The following SGCD variants were observed in gnomAD, a reference collection of about 807,000 sequenced individuals.
The protein encoded by SGCD is delta-sarcoglycan.
A neutral mutation model predicts 36.6 loss-of-function variants in SGCD; 18 were observed. The observed-to-expected ratio is 0.49, with a 90% confidence interval of 0.34 to 0.73. SGCD has a LOEUF of 0.73. Ranked by LOEUF, SGCD falls within the 30% of genes least tolerant of loss-of-function variation. The probability of loss-of-function intolerance (pLI) is 0.01; values close to 1 mark genes in which losing one functional copy is unlikely to be tolerated. For missense variants in SGCD, 387 were observed against 346.7 expected, an observed-to-expected ratio of 1.12 and a Z score of -0.92; for synonymous variants, 133 against 130.6, an observed-to-expected ratio of 1.02 and a Z score of -0.12.
chr5:156,019,547 G>A (rs1327100392), intron 1 of SGCD, among the ~76,000 whole-genome samples: 2 of 152,112 alleles, frequency 1.3e-5, no homozygotes, highest in Non-Finnish European at 2.9e-5. Context: ...GTAATTTTGG[G>A]GTGTGTGGAA....
At chr5:156,269,150 CA>C (rs1766083207) in intron 3 of SGCD, among the ~76,000 whole-genome samples, 1 of 151,782 alleles carries the variant, frequency 6.6e-6, no homozygotes, top group Non-Finnish European at 1.5e-5. Context: ...GAAGAGGAAG[CA>C]AAAGCTGAAA....
intron 7 of SGCD, 73 bp downstream of exon 7, chr5:156,647,609 T>C: frequency 1.0e-6 from 1 of 958,994 alleles, no homozygotes; most frequent in Admixed American, 2.0e-5. Context: ...AGTGATTCAT[T>C]CTGAATAAAT....
At chr5:156,178,853 A>G (rs1204042627) in intron 3 of SGCD, among the ~76,000 whole-genome samples, 1 of 152,232 alleles carries the variant, frequency 6.6e-6, no homozygotes, top group African/African-American at 2.4e-5. Flanking sequence ...GGTGTGAGCC[A>G]CCGCGCCCAG....
intron 2 of SGCD, among the ~76,000 whole-genome samples, chr5:156,340,791 A>G (rs1444068658): frequency 1.3e-5 from 2 of 152,258 alleles, no homozygotes; most frequent in Non-Finnish European, 2.9e-5. Flanking sequence ...CCGGGAAGGA[A>G]TAAGAAGAAT....
intron 4 of SGCD, among the ~76,000 whole-genome samples, chr5:156,556,195 A>G (rs1759015282): frequency 6.6e-6 from 1 of 151,902 alleles, no homozygotes; most frequent in Non-Finnish European, 1.5e-5. Flanking sequence ...CTTCCTCCAA[A>G]TAAGCCAAGC....
rs116345757 is a variant in SGCD at position 156,057,589 on chromosome 5, C to A, written c.-281-60289C>A. Among the ~76,000 whole-genome samples, 585 of 146,488 alleles carry A rather than the reference C, an allele frequency of 4.0e-3. 43 individuals are homozygous for A. The highest frequency in any genetic ancestry group is 0.014 in the African/African-American group (555 of 40,822). ...GATCATCATTTAGTAAGTCACACTT[C>A]TTGGAGGAATTTCTGACCCAGGTCT... is the stretch of plus-strand genomic sequence containing the variant. On this transcript the variant is annotated intron_variant, in intron 1 of 9. Coordinates refer to the SGCD transcript ENST00000517913.
In SGCD at chr5:156,448,182, A is replaced by G. The variant is rs1347079026; in HGVS notation, c.193-60419A>G. On this transcript the variant is annotated intron_variant, in intron 3 of 8. Coordinates refer to ENST00000337851, the MANE Select transcript of SGCD (RefSeq NM_000337.6). The stretch of plus-strand genomic sequence containing the variant: ...AATGACTTGCATTTCCTAAGGCACT[A>G]CTATCATTAGATGGTCCTGACTTTT... 3.9e-5 allele frequency among the ~76,000 whole-genome samples: 6 copies of G among 152,170 alleles called. No homozygotes were observed. In the South Asian group the frequency reaches 1.0e-3, roughly 26 times the overall value.
intron 3 of SGCD, among the ~76,000 whole-genome samples, chr5:156,401,556 CAAAG>C (rs746726605): frequency 1.2e-4 from 19 of 152,216 alleles, no homozygotes; most frequent in Admixed American, 1.3e-4. Context: ...GATACTGTGA[CAAAG>C]AAAGCCACAG....
chr5:156,541,343 A>G (rs1758340330), intron 4 of SGCD, among the ~76,000 whole-genome samples: 1 of 152,164 alleles, frequency 6.6e-6, no homozygotes, highest in Non-Finnish European at 1.5e-5. Context: ...GATGTGTAAA[A>G]CAAATGTACC....
intron 1 of SGCD, among the ~76,000 whole-genome samples, chr5:156,097,410 C>G (rs1761406931): frequency 6.6e-6 from 1 of 151,822 alleles, no homozygotes; most frequent in Non-Finnish European, 1.5e-5. Flanking sequence ...TTTTTATTTT[C>G]CGGTCTATTC....
chr5:156,589,364 T>G (rs765795537), intron 5 of SGCD, 46 bp downstream of exon 5: 1 of 1,061,954 alleles, frequency 9.4e-7, no homozygotes. Flanking sequence ...TGCGAGGCAC[T>G]CAGAATACAG....
intron 7 of SGCD, among the ~76,000 whole-genome samples, chr5:156,706,126 A>T (rs1277829562): frequency 2.0e-5 from 3 of 152,160 alleles, no homozygotes; most frequent in African/African-American, 7.2e-5. Flanking sequence ...AATTATGTGT[A>T]TCAATAGCAG....
intron 3 of SGCD, among the ~76,000 whole-genome samples, chr5:156,135,382 T>C (rs1762431663): frequency 6.6e-6 from 1 of 152,158 alleles, no homozygotes; most frequent in South Asian, 2.1e-4. Context: ...CCCTCACCTC[T>C]CTCACTAGGC....
chr5:155,902,457 T>C (rs1010379579), intron 1 of SGCD, among the ~76,000 whole-genome samples: 1 of 152,208 alleles, frequency 6.6e-6, no homozygotes, highest in African/African-American at 2.4e-5. Flanking sequence ...ACTTTAATAT[T>C]ATCATTTTAT....
chr5:156,673,407 G>A (rs977139932), intron 7 of SGCD, among the ~76,000 whole-genome samples: 5 of 152,148 alleles, frequency 3.3e-5, no homozygotes, highest in Admixed American at 2.0e-4. Flanking sequence ...TGAAGCCCCT[G>A]GCCTACGGTT....
intron 3 of SGCD, among the ~76,000 whole-genome samples, chr5:156,237,390 C>G (rs111932720): frequency 6.6e-6 from 1 of 151,812 alleles, no homozygotes; most frequent in Admixed American, 6.6e-5. Flanking sequence ...TTTGGGAGGC[C>G]GAGGCAGGCA....
intron 1 of SGCD, among the ~76,000 whole-genome samples, chr5:156,029,810 A>G (rs1433440287): frequency 6.6e-6 from 1 of 152,020 alleles, no homozygotes; most frequent in Admixed American, 6.6e-5. Flanking sequence ...ATTTCACTTT[A>G]CCTAATTTTT....
intron 3 of SGCD, among the ~76,000 whole-genome samples, chr5:156,452,104 C>A (rs1056314694): frequency 2.6e-5 from 4 of 152,082 alleles, no homozygotes; most frequent in Non-Finnish European, 5.9e-5. Context: ...TGCTGGTCAC[C>A]CCATGTAGTT....
At chr5:155,874,008 T>C (rs1755712224) in intron 1 of SGCD, among the ~76,000 whole-genome samples, 2 of 152,154 alleles carry the variant, frequency 1.3e-5, no homozygotes, top group Admixed American at 6.6e-5. Flanking sequence ...ATAGACTTCT[T>C]TGAACATTTA....
Sources: gnomAD v4.1 joint callset for allele counts (sites outside exome capture counted in the v4.1 genomes callset) on GRCh38, gnomAD v4.1.1 for gene constraint, MANE v1.5 for transcripts, NCBI Gene and HGNC (gene_info 2026-07-23, HGNC 2026-07-21) for gene names.